Variants in PPFIA2 observed in about 807,000 individuals in gnomAD.
The protein encoded by PPFIA2 is liprin-alpha-2.
A neutral mutation model predicts 175.5 loss-of-function variants in PPFIA2; 46 were observed. That is an observed-to-expected ratio of 0.26 (90% CI 0.21 to 0.34). The LOEUF is 0.34. PPFIA2 is among the 10% of genes least tolerant of loss of function. The pLI is 1.00. For missense variants in PPFIA2, 1,179 were observed against 1,506.1 expected, an observed-to-expected ratio of 0.78 and a Z score of 3.60; for synonymous variants, 568 against 511.4, an observed-to-expected ratio of 1.11 and a Z score of -1.49.
chr12:81,436,010 G>T (rs2048922416), intron 7 of PPFIA2, among the ~76,000 whole-genome samples: 1 of 151,684 alleles, frequency 6.6e-6, no homozygotes, highest in South Asian at 2.1e-4. Context: ...GGGTGAGGTG[G>T]CTCATGCCTG....
chr12:81,640,715 T>C (rs1252314899), intron 4 of PPFIA2, among the ~76,000 whole-genome samples: 3 of 152,164 alleles, frequency 2.0e-5, no homozygotes, highest in Non-Finnish European at 2.9e-5. Context: ...ACCAGGATAC[T>C]ATTCACAATA....
chr12:81,342,997 T>A (rs964419043), intron 19 of PPFIA2, among the ~76,000 whole-genome samples: 12 of 151,756 alleles, frequency 7.9e-5, no homozygotes, highest in African/African-American at 2.4e-4. Context: ...TACAAAACTT[T>A]CCTCTGAATA....
chr12:81,619,290 A>C (rs1044178720), intron 4 of PPFIA2, among the ~76,000 whole-genome samples: 1 of 152,194 alleles, frequency 6.6e-6, no homozygotes, highest in Non-Finnish European at 1.5e-5. Flanking sequence ...TAGATCTATA[A>C]AGTGTGGTTA....
intron 4 of PPFIA2, among the ~76,000 whole-genome samples, chr12:81,549,765 C>A (rs995405688): frequency 6.6e-6 from 1 of 151,810 alleles, no homozygotes; most frequent in Non-Finnish European, 1.5e-5. Flanking sequence ...TTAAGATTTT[C>A]TTTTTTAGCC....
At chr12:81,426,532 T>G (rs1566778742) in intron 7 of PPFIA2, among the ~76,000 whole-genome samples, 1 of 152,202 alleles carries the variant, frequency 6.6e-6, no homozygotes, top group Non-Finnish European at 1.5e-5. Context: ...ACTCAGGTAA[T>G]AGTATATGGT....
intron 4 of PPFIA2, among the ~76,000 whole-genome samples, chr12:81,658,592 C>A (rs2068192379): frequency 6.6e-6 from 1 of 151,882 alleles, no homozygotes; most frequent in South Asian, 2.1e-4. Flanking sequence ...AGAAACCAGT[C>A]TCTTGTTAAG....
At chr12:81,306,543 T>G (rs1566038643) in intron 22 of PPFIA2, among the ~76,000 whole-genome samples, 3 of 51,636 alleles carry the variant, frequency 5.8e-5, no homozygotes, top group African/African-American at 1.9e-4. Flanking sequence ...GTTTCGTTGT[T>G]TTTTTTTTTT....
At chr12:81,516,860 C>CT (rs1289769053) in intron 4 of PPFIA2, among the ~76,000 whole-genome samples, 1 of 151,970 alleles carries the variant, frequency 6.6e-6, no homozygotes, top group African/African-American at 2.4e-5. Context: ...CTTATGTTAA[C>CT]TTTTTTGGAA....
At chr12:81,283,285 T>C (rs926971620) in intron 25 of PPFIA2, among the ~76,000 whole-genome samples, 1 of 152,114 alleles carries the variant, frequency 6.6e-6, no homozygotes, top group Non-Finnish European at 1.5e-5. Flanking sequence ...TTGTGAACAT[T>C]TGATTTGGTC....
intron 4 of PPFIA2, among the ~76,000 whole-genome samples, chr12:81,669,365 G>A (rs2070985005): frequency 6.6e-6 from 1 of 151,954 alleles, no homozygotes; most frequent in Admixed American, 6.6e-5. Context: ...ATATGTCCAT[G>A]TAAATCGTGT....
At chr12:81,365,471 T>C (rs984955150) in intron 14 of PPFIA2, among the ~76,000 whole-genome samples, 2 of 151,606 alleles carry the variant, frequency 1.3e-5, no homozygotes, top group Non-Finnish European at 3.0e-5. Context: ...TGGTAGGTGG[T>C]GGGGGAGTGG....
At chr12:81,602,540 C>A (rs1329508635) in intron 4 of PPFIA2, among the ~76,000 whole-genome samples, 2 of 151,824 alleles carry the variant, frequency 1.3e-5, no homozygotes, top group Non-Finnish European at 2.9e-5. Flanking sequence ...TTATAATAAT[C>A]ATTAAATACC....
intron 8 of PPFIA2, among the ~76,000 whole-genome samples, chr12:81,399,899 G>A (rs2041839384): frequency 6.6e-6 from 1 of 151,854 alleles, no homozygotes; most frequent in African/African-American, 2.4e-5. Context: ...TTTGAGAGAG[G>A]GAATCAATAA....
chr12:81,634,607 T>C (rs2063777257), intron 4 of PPFIA2, among the ~76,000 whole-genome samples: 1 of 152,050 alleles, frequency 6.6e-6, no homozygotes, highest in Non-Finnish European at 1.5e-5. Context: ...TTGTGAAAAG[T>C]GGAATAATTT....
At chr12:81,306,844 G>C (rs2049354923) in intron 22 of PPFIA2, among the ~76,000 whole-genome samples, 1 of 151,840 alleles carries the variant, frequency 6.6e-6, no homozygotes, top group Non-Finnish European at 1.5e-5. Flanking sequence ...GCCTGGCCAG[G>C]TTTTACTTTA....
intron 21 of PPFIA2, among the ~76,000 whole-genome samples, chr12:81,336,383 A>C (rs754242988): frequency 6.6e-6 from 1 of 152,176 alleles, no homozygotes; most frequent in Non-Finnish European, 1.5e-5. Context: ...ATATTGTTGC[A>C]CATATTGAGT....
chr12:81,642,954 A>C (rs2065522598), intron 4 of PPFIA2, among the ~76,000 whole-genome samples: 1 of 111,230 alleles, frequency 9.0e-6, no homozygotes, highest in Admixed American at 1.1e-4. Flanking sequence ...TAATATATGT[A>C]ATATACACAC....
chr12:81,720,293 A>G (rs1248589306), intron 3 of PPFIA2, among the ~76,000 whole-genome samples: 1 of 151,602 alleles, frequency 6.6e-6, no homozygotes. Context: ...ATTATACAGT[A>G]AAATGCTTTG....
chr12:81,462,459 C>A (rs1448445267), intron 4 of PPFIA2, among the ~76,000 whole-genome samples: 1 of 146,982 alleles, frequency 6.8e-6, no homozygotes, highest in Admixed American at 6.9e-5. Context: ...AGATTTCTCA[C>A]TGCTTTAACC....
Sources: gnomAD v4.1 joint callset for allele counts (sites outside exome capture counted in the v4.1 genomes callset) on GRCh38, gnomAD v4.1.1 for gene constraint, MANE v1.5 for transcripts, NCBI Gene and HGNC (gene_info 2026-07-23, HGNC 2026-07-21) for gene names.